The following LGSN variants were observed in gnomAD, a reference collection of about 807,000 sequenced individuals.
LGSN encodes the protein lengsin, lens protein with glutamine synthetase domain, also known as lengsin.
LGSN carries 21 observed loss-of-function variants against 19.5 expected under a neutral mutation model. The ratio of observed to expected loss-of-function variants is 1.07; its 90% CI spans 0.76 to 1.55. The LOEUF (loss-of-function observed/expected upper bound fraction) is 1.55, where lower values mean the gene tolerates loss of function less well. Among genes scored for constraint, LGSN ranks in the 40% most tolerant of loss-of-function variants. The probability of loss-of-function intolerance (pLI) is 0.00; values close to 1 mark genes in which losing one functional copy is unlikely to be tolerated. For missense variants in LGSN, 673 were observed against 608.5 expected (o/e 1.11, Z -1.12); for synonymous variants, 257 against 215.6 (o/e 1.19, Z -1.68).
chr6:63,311,772 C>A (rs950708985), intron 1 of LGSN, among the ~76,000 whole-genome samples: 5 of 152,132 alleles, frequency 3.3e-5, no homozygotes, highest in Non-Finnish European at 7.4e-5. Flanking sequence ...TTTCCATGAA[C>A]TTTTTGAGGT....
chr6:63,434,082 CAG>C, the LGSN span, among the ~76,000 whole-genome samples: 1 of 152,150 alleles, frequency 6.6e-6, no homozygotes, highest in Admixed American at 6.6e-5. Flanking sequence ...TCTGAAAGGT[CAG>C]AGAGAGTTAC....
the LGSN span, among the ~76,000 whole-genome samples, chr6:63,539,068 T>G: frequency 6.6e-6 from 1 of 151,954 alleles, no homozygotes; most frequent in African/African-American, 2.4e-5. Context: ...AATTTGTGTT[T>G]TTTTAGTAGA....
the LGSN span, among the ~76,000 whole-genome samples, chr6:63,410,639 C>T: frequency 1.3e-5 from 2 of 152,184 alleles, no homozygotes; most frequent in African/African-American, 4.8e-5. Context: ...CCAGTATTGG[C>T]TCTGGGGCTT....
the LGSN span, among the ~76,000 whole-genome samples, chr6:63,414,811 A>G: frequency 7.3e-3 from 1,115 of 152,278 alleles, 8 homozygotes; most frequent in African/African-American, 0.025. Context: ...GCTACTCAGG[A>G]GGCTGAGGTG....
the LGSN span, chr6:63,441,435 C>CGGCCTGGCCGGGATCCTG: frequency 2.2e-6 from 1 of 452,226 alleles, no homozygotes; most frequent in Non-Finnish European, 4.3e-6. Flanking sequence ...CTCTGGATCC[C>CGGCCTGGCCGGGATCCTG]GGCCTGGCCA....
the LGSN span, among the ~76,000 whole-genome samples, chr6:63,326,989 G>A: frequency 6.6e-6 from 1 of 152,248 alleles, no homozygotes; most frequent in Non-Finnish European, 1.5e-5. Context: ...CGAGGGCTGT[G>A]AGGACTGCCA....
At chr6:63,411,324 C>G in the LGSN span, among the ~76,000 whole-genome samples, 22 of 152,096 alleles carry the variant, frequency 1.4e-4, no homozygotes, top group Non-Finnish European at 2.5e-4. Context: ...AAGGGGATAG[C>G]AGGTAAGGAG....
chr6:63,553,083 G>A, the LGSN span, among the ~76,000 whole-genome samples: 3 of 152,188 alleles, frequency 2.0e-5, no homozygotes, highest in Non-Finnish European at 4.4e-5. Flanking sequence ...CAGTTGCAAA[G>A]TAGTAGAGAG....
the LGSN span, among the ~76,000 whole-genome samples, chr6:63,352,282 G>A: frequency 1.3e-5 from 2 of 152,142 alleles, no homozygotes; most frequent in Non-Finnish European, 2.9e-5. Flanking sequence ...ATATTTATGC[G>A]CAAATCCATT....
At chr6:63,551,170 A>C in the LGSN span, among the ~76,000 whole-genome samples, 1 of 152,020 alleles carries the variant, frequency 6.6e-6, no homozygotes, top group South Asian at 2.1e-4. Flanking sequence ...GGTTCAAGTG[A>C]TTCTCCTGCC....
the LGSN span, among the ~76,000 whole-genome samples, chr6:63,424,728 T>C: frequency 6.6e-6 from 1 of 151,968 alleles, no homozygotes; most frequent in African/African-American, 2.4e-5. Context: ...CCCTAGGCAA[T>C]ATAGTGAAAC....
chr6:63,551,490 C>T, the LGSN span, among the ~76,000 whole-genome samples: 2 of 152,138 alleles, frequency 1.3e-5, no homozygotes, highest in Non-Finnish European at 1.5e-5. Flanking sequence ...GGCTTTTTTC[C>T]TATGTACAAA....
the LGSN span, among the ~76,000 whole-genome samples, chr6:63,440,026 ATC>A: frequency 3.9e-5 from 6 of 152,308 alleles, no homozygotes; most frequent in Admixed American, 6.5e-5. Flanking sequence ...AGGTGCTGGT[ATC>A]TGTTTTAAAA....
At chr6:63,331,913 T>C in the LGSN span, among the ~76,000 whole-genome samples, 1 of 152,126 alleles carries the variant, frequency 6.6e-6, no homozygotes, top group Non-Finnish European at 1.5e-5. Context: ...CATTCTCCTG[T>C]TAGTATTGGG....
chr6:63,355,255 T>A, the LGSN span, among the ~76,000 whole-genome samples: 2 of 151,480 alleles, frequency 1.3e-5, no homozygotes, highest in East Asian at 3.9e-4. Context: ...TGTATCAATT[T>A]AAAAAAAAAT....
chr6:63,288,150 G>A (rs1024732344), intron 2 of LGSN, among the ~76,000 whole-genome samples: 2 of 151,662 alleles, frequency 1.3e-5, no homozygotes, highest in Non-Finnish European at 2.9e-5. Flanking sequence ...CCTGGGAGGT[G>A]GAAGTTGCAG....
At chr6:63,565,412 ATCGAT>A in the LGSN span, among the ~76,000 whole-genome samples, 1 of 152,154 alleles carries the variant, frequency 6.6e-6, no homozygotes, top group Non-Finnish European at 1.5e-5. Flanking sequence ...CATAATAGAG[ATCGAT>A]TCAAGAGAAT....
the LGSN span, among the ~76,000 whole-genome samples, chr6:63,390,137 T>C: frequency 7.3e-6 from 1 of 136,846 alleles, no homozygotes; most frequent in South Asian, 2.5e-4. Context: ...TTTTTTTTTT[T>C]TTTTTTTTTT....
rs750241941 is a variant in LGSN, at chr6:63,280,506, A to G, written c.1045T>C (p.Leu349=). ...CAGCTGAGCGCAGCAGAGTGCTTCA[A>G]GAGTCCTGCCAACCATTTTTTCCCA... ...ITGKKWLAGL[L]KHSAALSCLM... is the part of the protein sequence containing the mutation. Residue 349 remains leucine, a synonymous_variant, in exon 4 of 4, where the codon TTG becomes CTG. Transcript: ENST00000370657. The G allele has an allele frequency of 4.3e-6, 7 of 1,613,988 alleles. No individual in the cohort carries two copies. The Admixed American group carries it at 6.7e-5, about 15-fold the overall frequency.
Sources: gnomAD v4.1 joint callset for allele counts (sites outside exome capture counted in the v4.1 genomes callset) on GRCh38, gnomAD v4.1.1 for gene constraint, MANE v1.5 for transcripts, NCBI Gene and HGNC (gene_info 2026-07-23, HGNC 2026-07-21) for gene names.